CFAP54: variants seen among roughly 807,000 people sequenced by gnomAD.
The protein encoded by CFAP54 is cilia and flagella associated protein 54.
CFAP54 carries 290 observed loss-of-function variants against 370.4 expected under a neutral mutation model. That is an observed-to-expected ratio of 0.78 (90% CI 0.71 to 0.86). The LOEUF (loss-of-function observed/expected upper bound fraction) is 0.86, where lower values mean the gene tolerates loss of function less well. Among genes scored for constraint, CFAP54 ranks in the 40% least tolerant of loss-of-function variants. The pLI is 0.00. For synonymous variants in CFAP54, 1,206 were observed against 1,236.5 expected (o/e 0.98, Z 0.52); for missense variants, 3,399 against 3,528.7 (o/e 0.96, Z 0.93).
intron 48 of CFAP54, among the ~76,000 whole-genome samples, chr12:96,710,507 G>A (rs1957598531): frequency 1.3e-5 from 2 of 152,090 alleles, no homozygotes; most frequent in African/African-American, 4.8e-5. Flanking sequence ...GGGGAAGGGT[G>A]GCCTGGGGTA....
At chr12:96,560,807 G>C (rs1380586131) in intron 17 of CFAP54, among the ~76,000 whole-genome samples, 1 of 152,172 alleles carries the variant, frequency 6.6e-6, no homozygotes, top group Non-Finnish European at 1.5e-5. Context: ...TGAATATCCT[G>C]TTCCCCAACA....
intron 19 of CFAP54, among the ~76,000 whole-genome samples, chr12:96,566,658 G>C (rs554685074): frequency 6.6e-6 from 1 of 152,206 alleles, no homozygotes; most frequent in African/African-American, 2.4e-5. Flanking sequence ...GAAAATGAGG[G>C]TCTGAGGGAG....
chr12:96,757,372 G>T, intron 57 of CFAP54, 123 bp from the exon 58 acceptor site: 1 of 506,912 alleles, frequency 2.0e-6, no homozygotes, highest in South Asian at 3.2e-5. Flanking sequence ...GAGGGTGTGT[G>T]TTTGTGACAG....
In CFAP54 at chr12:96,771,463, T is replaced by C. The variant is rs1958460114; in HGVS notation, c.8281+6245T>C. ...GTCAGGAGATGGAGACCATCCTGGC[T>C]AACACGGTGAAACCCCGTCTCTACT... On this transcript the variant is annotated intron_variant, in intron 60 of 67. Coordinates refer to ENST00000524981, the MANE Select transcript of CFAP54 (RefSeq NM_001306084.2). 2.0e-5 allele frequency among the ~76,000 whole-genome samples: 3 copies of C among 152,246 alleles called. No individual in the cohort carries two copies. The East Asian group carries it at 5.8e-4, about 29-fold the overall frequency.
intron 31 of CFAP54, 21 bp downstream of exon 31, chr12:96,630,225 G>A (rs923235368): frequency 4.6e-5 from 56 of 1,222,698 alleles, no homozygotes; most frequent in Non-Finnish European, 6.2e-5. Flanking sequence ...TATGAGTTTT[G>A]AATTTTAGGT....
At position 96,870,511 on chromosome 12, in the gene CFAP54, G is replaced by A. The variant is rs545958430; in HGVS notation, c.*15-4607G>A. 9.9e-4 allele frequency among the ~76,000 whole-genome samples: 150 copies of A among 152,154 alleles called. 1 individual carries two copies. Among genetic ancestry groups the A allele is most frequent in the Middle Eastern group, 3.4e-3 (1 of 292 alleles). On this transcript the variant is annotated intron_variant, in intron 67 of 67. Transcript: ENST00000524981. The stretch of plus-strand genomic sequence containing the variant: ...AACTTCTCTGTACTTCAGTTTTCTC[G>A]TCTGTAAATTTAGGATACATAAAGC...
In CFAP54 at chr12:96,667,137, G is replaced by A. The variant is rs964980610; in HGVS notation, c.5563+3205G>A. On this transcript the variant is annotated intron_variant, in intron 39 of 67. Coordinates refer to ENST00000524981, the MANE Select transcript of CFAP54 (RefSeq NM_001306084.2). ...GAGGTGGGCTCCTACAGCCTTGTGG[G>A]TTTGCAGGGTATGGCCTCCCTCCCG... Among the ~76,000 whole-genome samples the A allele has an allele frequency of 5.3e-5, 8 of 152,306 alleles. No individual in the cohort carries two copies. The East Asian group carries it at 5.8e-4, about 11-fold the overall frequency.
intron 55 of CFAP54, among the ~76,000 whole-genome samples, chr12:96,748,194 A>C (rs1958139399): frequency 6.6e-6 from 1 of 152,006 alleles, no homozygotes; most frequent in Non-Finnish European, 1.5e-5. Context: ...TTACCTTCCT[A>C]CTTTAAAAGT....
intron 19 of CFAP54, among the ~76,000 whole-genome samples, chr12:96,570,436 G>A (rs1186585502): frequency 6.6e-6 from 1 of 151,486 alleles, no homozygotes; most frequent in Non-Finnish European, 1.5e-5. Flanking sequence ...CTACATTTTG[G>A]ATTTTTTTTC....
intron 50 of CFAP54, among the ~76,000 whole-genome samples, chr12:96,731,278 T>C (rs1448345047): frequency 3.9e-5 from 6 of 152,240 alleles, no homozygotes; most frequent in Admixed American, 3.9e-4. Context: ...ATCCCTATCC[T>C]TGGATATATA....
intron 39 of CFAP54, among the ~76,000 whole-genome samples, chr12:96,673,852 G>C (rs949465588): frequency 6.6e-6 from 1 of 152,148 alleles, no homozygotes; most frequent in Non-Finnish European, 1.5e-5. Context: ...GGAACATTTG[G>C]TGTACTCATT....
chr12:96,580,683 A>G lies in CFAP54; in HGVS notation c.2883A>G (p.Gly961=). 6.6e-7 allele frequency: 1 copy of G among 1,513,350 alleles called. No homozygotes were observed. The highest frequency in any genetic ancestry group is 8.8e-7 in the Non-Finnish European group (1 of 1,131,174). The allele number at this position is 1,513,350 out of a possible 1,614,324, so 93.7% of individuals were successfully genotyped here. A position where few individuals can be genotyped will look rare whatever the true frequency, so the allele number is the denominator to read the frequency against. ...ACAATAATCATCTCCCAAATTCAGG[A>G]GAAGCGGTACGTCAAATTAAACATC... ...RLNNNHLPNS[G]EAIPADGKSV... The change falls in exon 21 of 68, where the codon GGA becomes GGG. Residue 961 remains glycine, a synonymous_variant. Coordinates refer to ENST00000524981, the MANE Select transcript of CFAP54 (RefSeq NM_001306084.2).
intron 50 of CFAP54, among the ~76,000 whole-genome samples, chr12:96,739,281 A>T (rs1958021803): frequency 6.6e-6 from 1 of 152,178 alleles, no homozygotes; most frequent in South Asian, 2.1e-4. Flanking sequence ...AATATATATC[A>T]TTAAAATATT....
At chr12:96,601,994 G>T (rs1956247702) in intron 26 of CFAP54, among the ~76,000 whole-genome samples, 1 of 152,022 alleles carries the variant, frequency 6.6e-6, no homozygotes. Context: ...CTTGTCTTCT[G>T]CTAGCTTTTG....
At chr12:96,768,821 T>G (rs1332518290) in intron 60 of CFAP54, among the ~76,000 whole-genome samples, 1 of 152,128 alleles carries the variant, frequency 6.6e-6, no homozygotes, top group Non-Finnish European at 1.5e-5. Context: ...ATGAGTTAAT[T>G]AAGAGCGTTG....
intron 65 of CFAP54, among the ~76,000 whole-genome samples, chr12:96,823,192 T>C (rs1466803046): frequency 1.3e-5 from 2 of 152,148 alleles, no homozygotes; most frequent in African/African-American, 4.8e-5. Flanking sequence ...TTGTGCTTGC[T>C]TAAATAGCTC....
chr12:96,741,349 TAG>T (rs1958049183), intron 51 of CFAP54, among the ~76,000 whole-genome samples: 1 of 152,122 alleles, frequency 6.6e-6, no homozygotes, highest in Non-Finnish European at 1.5e-5. Flanking sequence ...GTATTTTTAG[TAG>T]AGAGTTTCAC....
At chr12:96,860,748 TG>T (rs1959859055) in intron 66 of CFAP54, 70 bp from the exon 67 acceptor site, 1 of 1,376,422 alleles carries the variant, frequency 7.3e-7, no homozygotes. Context: ...AATTGCTATT[TG>T]GGTATTTTGA....
At chr12:96,536,965 GTTCAA>G (rs201895153) in intron 12 of CFAP54, among the ~76,000 whole-genome samples, 2 of 144,600 alleles carry the variant, frequency 1.4e-5, no homozygotes, top group African/African-American at 5.2e-5. Context: ...ATATGTCTTA[GTTCAA>G]TTCAATTCAA....
Sources: allele counts gnomAD v4.1 joint callset (sites outside exome capture counted in the v4.1 genomes callset), GRCh38; gene constraint gnomAD v4.1.1; transcripts MANE v1.5; gene names NCBI Gene and HGNC (gene_info 2026-07-23, HGNC 2026-07-21).